Variants in SPTB observed in about 807,000 individuals in gnomAD.
The protein encoded by SPTB is spectrin beta chain, erythrocytic.
In SPTB, 45 loss-of-function variants were observed where a neutral mutation model predicts 256.2. That is an observed-to-expected ratio of 0.18 (90% CI 0.14 to 0.23). The LOEUF is 0.23. Ranked by LOEUF, SPTB falls within the 10% of genes least tolerant of loss-of-function variation. The pLI is 1.00. For missense variants in SPTB, 2,715 were observed against 3,040.4 expected (o/e 0.89, Z 2.52); for synonymous variants, 1,231 against 1,243.1 (o/e 0.99, Z 0.21).
At position 64,799,880 on chromosome 14, in the gene SPTB, C is replaced by T. The variant is rs764135314; in HGVS notation, c.931G>A (p.Ala311Thr). Residue 311 changes from alanine to threonine, a missense_variant, in exon 9 of 36, where the codon GCC (alanine) becomes ACC (threonine). This residue lies in a region of SPTB where 416 missense variants were observed against 571.1 expected (regional missense o/e 0.73). Coordinates refer to ENST00000644917, the MANE Select transcript of SPTB (RefSeq NM_001355436.2). The part of the protein sequence containing the change: ...EKMIEKYSGL[A>T]SDLLTWIEQT... Reference sequence around the variant, plus strand: ...TCGATCCAGGTGAGCAGGTCCGAGGCTAGCCCGCTGTACTTTTCAATCATC... The same window carrying T: ...TCGATCCAGGTGAGCAGGTCCGAGGTTAGCCCGCTGTACTTTTCAATCATC... The T allele has an allele frequency of 4.3e-6, 7 of 1,614,260 alleles. No homozygotes were observed. In the Admixed American group the frequency reaches 1.2e-4, roughly 27 times the overall value.
Position 64,866,506 on chromosome 14 carries a change from A to T in SPTB, c.-52+13286T>A, listed in dbSNP as rs1261232177. Among the ~76,000 whole-genome samples, 1 of 152,114 alleles carries T rather than the reference A, an allele frequency of 6.6e-6. No homozygotes were observed. The highest frequency in any genetic ancestry group is 1.5e-5 in the Non-Finnish European group (1 of 68,002). ...ATCTCAGACCCCACCACATACTCAG[A>T]GGCCTCGTAGCTCCACTCACCGCCT... On this transcript the variant is annotated intron_variant, in intron 1 of 35. Transcript: ENST00000644917. The surrounding 1 kb of genome is among the most constrained non-coding windows in gnomAD (Gnocchi z 4.6).
At chr14:64,765,810 G>C (rs998283389) in intron 32 of SPTB, among the ~76,000 whole-genome samples, 2 of 148,308 alleles carry the variant, frequency 1.3e-5, no homozygotes, top group African/African-American at 5.1e-5. Flanking sequence ...ATTGGGGTGT[G>C]TGTGTGTGTG....
At chr14:64,877,993 G>A (rs1002825138) in intron 1 of SPTB, among the ~76,000 whole-genome samples, 5 of 152,112 alleles carry the variant, frequency 3.3e-5, no homozygotes, top group Admixed American at 6.5e-5. Flanking sequence ...AACTTGATAC[G>A]CCTGTGCTAC....
intron 9 of SPTB, among the ~76,000 whole-genome samples, chr14:64,798,593 G>C (rs2082821376): frequency 6.6e-6 from 1 of 152,222 alleles, no homozygotes; most frequent in Admixed American, 6.5e-5. Context: ...CCAGCCTAAT[G>C]GATCTCAGTG....
chr14:64,841,665 C>T lies in SPTB; in HGVS notation c.-51-18520G>A, dbSNP rs543970070. On this transcript the variant is annotated intron_variant, in intron 1 of 35. Coordinates refer to ENST00000644917, the MANE Select transcript of SPTB (RefSeq NM_001355436.2). The surrounding 1 kb of genome is among the most constrained non-coding windows in gnomAD (Gnocchi z 4.6). ...GAAGATAGGAAAGCATTGTGGGTAACGTTCCCAGGACAGACCAGTGGCAGA... is the reference window on the plus strand; with the variant it reads ...GAAGATAGGAAAGCATTGTGGGTAATGTTCCCAGGACAGACCAGTGGCAGA... 6.6e-6 allele frequency among the ~76,000 whole-genome samples: 1 copy of T among 152,084 alleles called. No homozygotes were observed. Among genetic ancestry groups the T allele is most frequent in the South Asian group, 2.1e-4 (1 of 4,828 alleles).
At chr14:64,763,905 G>A (rs557891877) in intron 32 of SPTB, 5 of 518,230 alleles carry the variant, frequency 9.6e-6, no homozygotes, top group East Asian at 5.5e-5. Context: ...GCACACACAC[G>A]TGGGGAAGGG....
At chr14:64,836,102 T>C (rs1273371860) in intron 1 of SPTB, among the ~76,000 whole-genome samples, 1 of 152,200 alleles carries the variant, frequency 6.6e-6, no homozygotes, top group Non-Finnish European at 1.5e-5. Context: ...AGAAATGATG[T>C]GCACCACTTC....
At chr14:64,865,113 G>A (rs1882086642) in intron 1 of SPTB, among the ~76,000 whole-genome samples, 1 of 151,938 alleles carries the variant, frequency 6.6e-6, no homozygotes. Context: ...AAAGGACAAT[G>A]TATACACGAT....
In SPTB at chr14:64,759,902, G is replaced by T. The variant is rs942382601; in HGVS notation, c.6346-6109C>A. ...GAGGTGAAGGAGAATTGCAGAGTGG[G>T]CTGAATAAGGGAAGGCACTGCCTTT... On this transcript the variant is annotated intron_variant, in intron 32 of 35. Coordinates refer to ENST00000644917, the MANE Select transcript of SPTB (RefSeq NM_001355436.2). The surrounding 1 kb of genome is among the most constrained non-coding windows in gnomAD (Gnocchi z 4.8). 6.6e-6 allele frequency among the ~76,000 whole-genome samples: 1 copy of T among 152,208 alleles called. No homozygotes were observed. The highest frequency in any genetic ancestry group is 2.4e-5 in the African/African-American group (1 of 41,450).
At chr14:64,840,033 CT>C (rs1380648835) in intron 1 of SPTB, among the ~76,000 whole-genome samples, 1 of 152,228 alleles carries the variant, frequency 6.6e-6, no homozygotes, top group Admixed American at 6.5e-5. Context: ...CCCTGATCCT[CT>C]TATGACCCTG....
rs1363890440 is a variant in SPTB at position 64,775,004 on chromosome 14, G to T, written c.4842+121C>A. 5 of 1,416,340 alleles carry T rather than the reference G, an allele frequency of 3.5e-6. No individual in the cohort carries two copies. The highest frequency in any genetic ancestry group is 1.2e-5 in the South Asian group (1 of 84,810). The allele number at this position is 1,416,340 out of a possible 1,614,324, so 87.7% of individuals were successfully genotyped here. ...AGGGCAGGGAGTCTGTGGGTTCCTTGTGCCCCTCCCCTGGCCTCACTCCTC... is the reference window on the plus strand; with the variant it reads ...AGGGCAGGGAGTCTGTGGGTTCCTTTTGCCCCTCCCCTGGCCTCACTCCTC... On this transcript the variant is annotated intron_variant, in intron 23 of 35. Coordinates refer to ENST00000644917, the MANE Select transcript of SPTB (RefSeq NM_001355436.2). The surrounding 1 kb of genome is among the most constrained non-coding windows in gnomAD (Gnocchi z 5.0).
At chr14:64,815,255 A>G (rs1284538236) in intron 2 of SPTB, among the ~76,000 whole-genome samples, 3 of 152,200 alleles carry the variant, frequency 2.0e-5, no homozygotes, top group Non-Finnish European at 4.4e-5. Context: ...GTTGGAAGAA[A>G]AATGGGAAGG....
Position 64,784,221 on chromosome 14 carries a change from A to AC in SPTB, c.4002+25dup, listed in dbSNP as rs773084768. The stretch of plus-strand genomic sequence containing the variant: ...GCAAGCCTATCTGAGCAGAGCACCC[A>AC]CCCGCCGCCCAATCACTTTACTTAC... On this transcript the variant is annotated intron_variant, in intron 19 of 35. Transcript: ENST00000644917. The AC allele has an allele frequency of 2.5e-6, 4 of 1,613,290 alleles. No homozygotes were observed. The East Asian group carries it at 8.9e-5, about 36-fold the overall frequency.
chr14:64,796,371 G>A lies in SPTB; in HGVS notation c.1341+186C>T, dbSNP rs537154064. ...GACTCCAAGGCTCTTTCCTAAAAAT[G>A]AGATTTAATAAATCCTGGAGAGCTC... On this transcript the variant is annotated intron_variant, in intron 11 of 35. Transcript: ENST00000644917. The surrounding 1 kb of genome is among the most constrained non-coding windows in gnomAD (Gnocchi z 4.1). Among the ~76,000 whole-genome samples the A allele has an allele frequency of 6.6e-6, 1 of 152,270 alleles. No homozygotes were observed. The highest frequency in any genetic ancestry group is 1.9e-4 in the East Asian group (1 of 5,170).
At position 64,807,054 on chromosome 14, in the gene SPTB, A is replaced by G. The variant is rs1010409205; in HGVS notation, c.149-1964T>C. On this transcript the variant is annotated intron_variant, in intron 2 of 35. Coordinates refer to ENST00000644917, the MANE Select transcript of SPTB (RefSeq NM_001355436.2). The surrounding 1 kb of genome is among the most constrained non-coding windows in gnomAD (Gnocchi z 4.7). Reference sequence around the variant, plus strand: ...GGAGTTTGATGCCATACTGGACGGAAAGCAATTGCACTTATTTTGGGGCAT... The same window carrying G: ...GGAGTTTGATGCCATACTGGACGGAGAGCAATTGCACTTATTTTGGGGCAT... Among the ~76,000 whole-genome samples, 4 of 152,180 alleles carry G rather than the reference A, an allele frequency of 2.6e-5. No individual in the cohort carries two copies. The highest frequency in any genetic ancestry group is 2.6e-4 in the Admixed American group (4 of 15,288).
chr14:64,859,135 TC>T (rs143465129), intron 1 of SPTB, among the ~76,000 whole-genome samples: 9,548 of 152,094 alleles, frequency 0.063, 1,067 homozygotes, highest in African/African-American at 0.22. Context: ...GTGCCTATAG[TC>T]CCAGCTACTC....
At chr14:64,839,975 T>C (rs867292178) in intron 1 of SPTB, among the ~76,000 whole-genome samples, 15 of 152,254 alleles carry the variant, frequency 9.9e-5, no homozygotes, top group African/African-American at 2.9e-4. Context: ...ATGATCTTTA[T>C]TGTCTATGTA....
chr14:64,769,466 G>T, intron 28 of SPTB, 124 bp downstream of exon 28: 1 of 1,336,448 alleles, frequency 7.5e-7, no homozygotes, highest in Non-Finnish European at 1.0e-6. Flanking sequence ...CGATCTCCAT[G>T]AGTGAGAGCA....
At chr14:64,868,778 C>T (rs978739000) in intron 1 of SPTB, among the ~76,000 whole-genome samples, 5 of 152,166 alleles carry the variant, frequency 3.3e-5, no homozygotes, top group Non-Finnish European at 5.9e-5. Context: ...ATAATTCCGA[C>T]CTTTTCTAAA....
Sources: allele counts gnomAD v4.1 joint callset (sites outside exome capture counted in the v4.1 genomes callset), GRCh38; gene constraint gnomAD v4.1.1; regional missense constraint gnomAD v4.1.1; non-coding constraint Gnocchi (gnomAD v3.1); transcripts MANE v1.5; gene names NCBI Gene and HGNC (gene_info 2026-07-23, HGNC 2026-07-21).